SLC5A1: variants seen among roughly 807,000 people sequenced by gnomAD.
SLC5A1 encodes sodium/glucose cotransporter 1.
In SLC5A1, 42 loss-of-function variants were observed where a neutral mutation model predicts 73.5. The observed-to-expected ratio is 0.57, with a 90% CI of 0.45 to 0.74. SLC5A1 has a LOEUF of 0.74. SLC5A1 is among the 30% of genes least tolerant of loss of function. The probability of loss-of-function intolerance (pLI) is 0.00; values close to 1 mark genes in which losing one functional copy is unlikely to be tolerated. For missense variants in SLC5A1, 634 were observed against 855.4 expected (o/e 0.74, Z 3.23); for synonymous variants, 300 against 317.4 (o/e 0.95, Z 0.58).
rs559610613 is a variant in SLC5A1 at position 32,090,969 on chromosome 22, G to A, written c.1130-643G>A. 2.6e-5 allele frequency among the ~76,000 whole-genome samples: 4 copies of A among 151,966 alleles called. No individual in the cohort carries two copies. The East Asian group carries it at 7.7e-4, about 29-fold the overall frequency. On this transcript the variant is annotated intron_variant, in intron 10 of 14. Transcript: ENST00000266088. The stretch of plus-strand genomic sequence containing the variant: ...GGTACAAAGTTATTATCCCACTATG[G>A]CTTTGATTTGAATTCCCCTGATGTC...
intron 9 of SLC5A1, among the ~76,000 whole-genome samples, chr22:32,085,546 C>CGT (rs770438722): frequency 1.8e-4 from 22 of 119,140 alleles, no homozygotes; most frequent in African/African-American, 6.5e-4. Context: ...TTGTTTCCTC[C>CGT]TTTTTTTTTT....
intron 10 of SLC5A1, 58 bp downstream of exon 10, chr22:32,086,385 G>A (rs2094008401): frequency 9.0e-7 from 1 of 1,116,688 alleles, no homozygotes; most frequent in Non-Finnish European, 1.4e-6. Flanking sequence ...ATTGGGTTTA[G>A]GCACCACCTA....
intron 2 of SLC5A1, among the ~76,000 whole-genome samples, chr22:32,051,294 TCTG>T (rs1347530680): frequency 6.6e-6 from 1 of 152,174 alleles, no homozygotes; most frequent in Non-Finnish European, 1.5e-5. Flanking sequence ...TCTCTGAGTC[TCTG>T]AGAGTCTCCT....
At position 32,058,444 on chromosome 22, in the gene SLC5A1, A is replaced by G. The variant is rs73884266; in HGVS notation, c.207+8430A>G. On this transcript the variant is annotated intron_variant, in intron 2 of 14. Transcript: ENST00000266088. ...TTGTTGGGCCCTTACGTGGTTTCCA[A>G]CATTCCTCTGTTGTAAATGACATAG... Among the ~76,000 whole-genome samples, 1,093 of 152,312 alleles carry G rather than the reference A, an allele frequency of 7.2e-3. 20 individuals are homozygous for G. Among genetic ancestry groups the G allele is most frequent in the African/African-American group, 0.025 (1,033 of 41,574 alleles).
chr22:32,101,349 A>T (rs1037881624), intron 12 of SLC5A1, among the ~76,000 whole-genome samples: 5 of 152,114 alleles, frequency 3.3e-5, no homozygotes, highest in African/African-American at 9.7e-5. Flanking sequence ...AGTAAAAAAA[A>T]CCCTGAAAAA....
intron 5 of SLC5A1, among the ~76,000 whole-genome samples, chr22:32,075,430 C>T (rs116058355): frequency 0.012 from 1,762 of 152,128 alleles, 32 homozygotes; most frequent in African/African-American, 0.04. Flanking sequence ...TTATGTTCTG[C>T]GCTTTCATTT....
intron 12 of SLC5A1, among the ~76,000 whole-genome samples, chr22:32,100,817 C>G (rs2094035098): frequency 6.6e-6 from 1 of 152,128 alleles, no homozygotes; most frequent in Admixed American, 6.5e-5. Flanking sequence ...CTTCCAGATG[C>G]CAGCATAGGG....
chr22:32,066,969 G>A lies in SLC5A1; in HGVS notation c.242G>A (p.Ser81Asn). Reference protein sequence around the residue: ...GASLFASNIGSGHFVGLAGTG... With the variant: ...GASLFASNIGNGHFVGLAGTG... The stretch of plus-strand genomic sequence containing the variant: ...TCCCTCTTTGCTAGTAACATTGGAA[G>A]TGGCCACTTTGTGGGGCTGGCCGGG... The change falls in exon 3 of 15, where the codon AGT becomes AAT. Residue 81 changes from serine to asparagine, a missense_variant. This residue lies in a region of SLC5A1 where 422 missense variants were observed against 626.1 expected (regional missense o/e 0.67). Coordinates refer to ENST00000266088, the MANE Select transcript of SLC5A1 (RefSeq NM_000343.4). 6.2e-7 allele frequency: 1 copy of A among 1,613,790 alleles called. No individual in the cohort carries two copies. The highest frequency in any genetic ancestry group is 1.1e-5 in the South Asian group (1 of 91,076).
intron 2 of SLC5A1, among the ~76,000 whole-genome samples, chr22:32,064,483 A>G (rs1008477145): frequency 4.0e-5 from 6 of 151,644 alleles, no homozygotes; most frequent in Admixed American, 1.3e-4. Context: ...TGACAGGAAT[A>G]AAACCCTGTC....
intron 2 of SLC5A1, among the ~76,000 whole-genome samples, chr22:32,057,778 A>G (rs1375656876): frequency 6.6e-6 from 1 of 152,206 alleles, no homozygotes; most frequent in East Asian, 1.9e-4. Flanking sequence ...GAGCTGGGTT[A>G]AGATGTCAAT....
intron 7 of SLC5A1, 80 bp downstream of exon 7, chr22:32,083,234 C>A: frequency 8.4e-7 from 1 of 1,194,540 alleles, no homozygotes; most frequent in Non-Finnish European, 1.2e-6. Flanking sequence ...TCCAGCCTCT[C>A]TACCTGCTTG....
intron 12 of SLC5A1, among the ~76,000 whole-genome samples, chr22:32,100,261 A>C (rs1417104981): frequency 1.3e-5 from 2 of 152,354 alleles, no homozygotes; most frequent in South Asian, 2.1e-4. Flanking sequence ...GTTTTTCTAA[A>C]TATGAGATCA....
chr22:32,100,749 G>A (rs913126861), intron 12 of SLC5A1, among the ~76,000 whole-genome samples: 5 of 152,110 alleles, frequency 3.3e-5, no homozygotes, highest in Admixed American at 1.3e-4. Context: ...GTGCATGGGG[G>A]ATGAATAGGG....
At chr22:32,093,158 C>G (rs979017217) in intron 11 of SLC5A1, among the ~76,000 whole-genome samples, 2 of 152,142 alleles carry the variant, frequency 1.3e-5, no homozygotes, top group South Asian at 4.1e-4. Flanking sequence ...TTTCATTAGT[C>G]TCTGTGCCTA....
In SLC5A1 at chr22:32,104,822, G is replaced by A. The variant is rs533007416; in HGVS notation, c.1702G>A (p.Glu568Lys). ...GTGTTGGAGCCTGCGCAACAGCAAA[G>A]AGGAGCGTATTGACCTGGATGCGGA... is the stretch of plus-strand genomic sequence containing the variant. ...RLCWSLRNSK[E>K]ERIDLDAEEE... The change falls in exon 14 of 15, where the codon GAG becomes AAG. Residue 568 changes from glutamate (E) to lysine (K), a missense_variant. Physicochemically the swap from Glu to Lys is moderately conservative, Grantham distance 56. Around this residue, in one of 3 missense-constraint regions of SLC5A1, gnomAD observed 161 missense variants for 178.7 expected, o/e 0.90. Transcript: ENST00000266088. 3 of 1,614,138 alleles carry A rather than the reference G, an allele frequency of 1.9e-6. No homozygotes were observed. The highest frequency in any genetic ancestry group is 2.2e-5 in the East Asian group (1 of 44,884).
intron 2 of SLC5A1, among the ~76,000 whole-genome samples, chr22:32,054,519 T>G (rs532155412): frequency 2.0e-5 from 3 of 152,244 alleles, no homozygotes; most frequent in African/African-American, 7.2e-5. Context: ...AGGTTGAGAT[T>G]TGAATGATCA....
At chr22:32,058,536 A>AC (rs1395183140) in intron 2 of SLC5A1, among the ~76,000 whole-genome samples, 1 of 152,174 alleles carries the variant, frequency 6.6e-6, no homozygotes, top group Non-Finnish European at 1.5e-5. Flanking sequence ...TTTGCTTAAA[A>AC]CCGAGTCCTA....
intron 2 of SLC5A1, among the ~76,000 whole-genome samples, chr22:32,055,807 T>C (rs889258634): frequency 6.6e-6 from 1 of 152,202 alleles, no homozygotes; most frequent in Admixed American, 6.5e-5. Flanking sequence ...ATGAAATACA[T>C]GGTCCAACCC....
rs553714241 is a variant in SLC5A1 at position 32,044,520 on chromosome 22, T to G, written c.135+1104T>G. On this transcript the variant is annotated intron_variant, in intron 1 of 14. Transcript: ENST00000266088. ...TTTCAGGGACAAAAGGAAGTGTTTTTTTTTTTTTTTCCAAAGGAATTGTAG... is the reference window on the plus strand; with the variant it reads ...TTTCAGGGACAAAAGGAAGTGTTTTGTTTTTTTTTTCCAAAGGAATTGTAG... Among the ~76,000 whole-genome samples the G allele has an allele frequency of 2.5e-4, 38 of 151,950 alleles. No individual in the cohort carries two copies. The East Asian group carries it at 6.8e-3, about 27-fold the overall frequency.
Sources: gnomAD v4.1 joint callset for allele counts (sites outside exome capture counted in the v4.1 genomes callset) on GRCh38, gnomAD v4.1.1 for gene constraint, gnomAD v4.1.1 regional missense constraint, MANE v1.5 for transcripts, NCBI Gene and HGNC (gene_info 2026-07-23, HGNC 2026-07-21) for gene names.